NR2F1: variants seen among roughly 807,000 people sequenced by gnomAD.
NR2F1 encodes COUP transcription factor 1.
Under a neutral mutation model 37.7 loss-of-function variants are expected in NR2F1, and 1 was observed. The observed-to-expected ratio is 0.03, with a 90% CI of 0.01 to 0.13. The LOEUF (loss-of-function observed/expected upper bound fraction) is 0.13, where lower values mean the gene tolerates loss of function less well. Among genes scored for constraint, NR2F1 ranks in the 10% least tolerant of loss-of-function variants. The probability of loss-of-function intolerance (pLI) is 1.00; values close to 1 mark genes in which losing one functional copy is unlikely to be tolerated. For missense variants in NR2F1, 268 were observed against 578.4 expected, an observed-to-expected ratio of 0.46 and a Z score of 5.50; for synonymous variants, 275 against 259.6, an observed-to-expected ratio of 1.06 and a Z score of -0.57.
intron 2 of NR2F1, among the ~76,000 whole-genome samples, chr5:93,588,790 CGCGT>C (rs1459522552): frequency 6.3e-4 from 93 of 148,260 alleles, no homozygotes; most frequent in African/African-American, 1.7e-3. Context: ...CGCGCGCGCG[CGCGT>C]GTGTGTGTGT....
chr5:93,587,678 C>T (rs1753255855), intron 1 of NR2F1: 2 of 525,086 alleles, frequency 3.8e-6, no homozygotes, highest in South Asian at 3.1e-5. Context: ...GGCCTAGCTC[C>T]GGCGGGGCTG....
chr5:93,589,241 A>T (rs969284964), intron 2 of NR2F1, among the ~76,000 whole-genome samples: 1 of 152,216 alleles, frequency 6.6e-6, no homozygotes, highest in African/African-American at 2.4e-5. Flanking sequence ...AAAAATATCA[A>T]ATTATGTGTA....
In NR2F1 at chr5:93,583,404, TTC is replaced by T. The variant is rs374111788; in HGVS notation, c.-1616_-1615del. On this transcript the variant is annotated 5_prime_UTR_variant, in exon 1 of 3. Transcript: ENST00000327111. ...TCTCTTCTCTGAACCTCTCTTCTCT[TTC>T]TCTTTTCTTACATATTCTACTAGTT... The T allele has an allele frequency of 2.7e-3, 404 of 151,424 alleles. No homozygotes were observed. Among genetic ancestry groups the T allele is most frequent in the African/African-American group, 9.4e-3 (386 of 41,232 alleles). 9.4% of individuals were successfully genotyped at this position (151,424 alleles called of 1,614,324 possible). A position where few individuals can be genotyped will look rare whatever the true frequency, so the allele number is the denominator to read the frequency against.
Position 93,584,635 on chromosome 5 carries a change from G to T in NR2F1, c.-389G>T, listed in dbSNP as rs1273448386. On this transcript the variant is annotated 5_prime_UTR_variant, in exon 1 of 3. Transcript: ENST00000327111. ...TTGCTCGCCGGGGGGTGGGGAGGGG[G>T]GAAGGAGAGCGCGGCCCCCCCAGGA... The T allele has an allele frequency of 1.3e-5, 2 of 148,524 alleles. No individual in the cohort carries two copies. The highest frequency in any genetic ancestry group is 3.0e-5 in the Non-Finnish European group (2 of 66,712). 9.2% of individuals were successfully genotyped at this position (148,524 alleles called of 1,614,324 possible).
rs1260445676 is a variant in NR2F1, at chr5:93,584,918, T to TCCCCCTC, written c.-99_-93dup. The TCCCCCTC allele has an allele frequency of 5.3e-5, 1 of 18,920 alleles. No individual in the cohort carries two copies. The highest frequency in any genetic ancestry group is 2.1e-4 in the African/African-American group (1 of 4,688). The allele number at this position is 18,920 out of a possible 1,614,324, so 1.2% of individuals were successfully genotyped here. ...GGCGCCCGGCGGGCCCCCCGCCCCC[T>TCCCCCTC]CCCCCTCCCCCCTTCCCCTTCCCCT... On this transcript the variant is annotated 5_prime_UTR_variant, in exon 1 of 3. Transcript: ENST00000327111.
rs1057113509 is a variant in NR2F1 at position 93,594,114 on chromosome 5, G to A, written c.*272G>A. ...AAAAAAAGAACCTTGTGTCTGTCTGGTGAAAAAAAGAAAAACAAATTGGAA... is the reference window on the plus strand; with the variant it reads ...AAAAAAAGAACCTTGTGTCTGTCTGATGAAAAAAAGAAAAACAAATTGGAA... On this transcript the variant is annotated 3_prime_UTR_variant, in exon 3 of 3. Coordinates refer to ENST00000327111, the MANE Select transcript of NR2F1 (RefSeq NM_005654.6). The A allele has an allele frequency of 2.5e-6, 1 of 400,214 alleles. No individual in the cohort carries two copies. Among genetic ancestry groups the A allele is most frequent in the Non-Finnish European group, 4.4e-6 (1 of 225,226 alleles). The allele number at this position is 400,214 out of a possible 1,614,324, so 24.8% of individuals were successfully genotyped here.
rs748198333 is a variant in NR2F1 at position 93,588,472 on chromosome 5, G to C, written c.991+28G>C. 2.3e-5 allele frequency: 34 copies of C among 1,477,560 alleles called. No individual in the cohort carries two copies. In the South Asian group the frequency reaches 3.5e-4, roughly 15 times the overall value. The allele number at this position is 1,477,560 out of a possible 1,614,324, so 91.5% of individuals were successfully genotyped here. Reference sequence around the variant, plus strand: ...GAGGCTGCGGTCGCGGGGAGGGCAGGCCGCGCCGGCAGCGAGCGCAGGCCC... The same window carrying C: ...GAGGCTGCGGTCGCGGGGAGGGCAGCCCGCGCCGGCAGCGAGCGCAGGCCC... On this transcript the variant is annotated intron_variant, in intron 2 of 2. Transcript: ENST00000327111.
Position 93,585,431 on chromosome 5 carries a change from C to T in NR2F1, c.408C>T (p.Asn136=). The T allele has an allele frequency of 6.2e-7, 1 of 1,614,114 alleles. No individual in the cohort carries two copies. Among genetic ancestry groups the T allele is most frequent in the Non-Finnish European group, 8.5e-7 (1 of 1,179,998 alleles). Residue 136 remains asparagine (N), a synonymous_variant, in exon 1 of 3, where the codon AAC becomes AAT. Transcript: ENST00000327111. ...RNCPIDQHHR[N]QCQYCRLKKC... is the part of the protein sequence containing the mutation. ...GTCCCATCGACCAGCACCACCGCAA[C>T]CAGTGCCAATACTGCCGCCTCAAGA...
At chr5:93,589,682 C>T (rs1256200307) in intron 2 of NR2F1, among the ~76,000 whole-genome samples, 1 of 152,202 alleles carries the variant, frequency 6.6e-6, no homozygotes, top group African/African-American at 2.4e-5. Flanking sequence ...TTTCATAAGG[C>T]CTTGTTGAAC....
At chr5:93,587,870 A>G (rs774182895) in intron 1 of NR2F1, 47 bp from the exon 2 acceptor site, 12 of 1,521,550 alleles carry the variant, frequency 7.9e-6, no homozygotes, top group Middle Eastern at 1.8e-4. Context: ...AATGTTCGCA[A>G]GCTCCCTGGA....
intron 2 of NR2F1, among the ~76,000 whole-genome samples, chr5:93,591,172 A>G (rs985773710): frequency 6.6e-6 from 1 of 152,264 alleles, no homozygotes; most frequent in Non-Finnish European, 1.5e-5. Flanking sequence ...CATACACTGT[A>G]GAAGAAATAT....
Position 93,593,580 on chromosome 5 carries a change from A to G in NR2F1, c.1010A>G (p.Asp337Gly), listed in dbSNP as rs1753371414. 1 of 1,613,254 alleles carries G rather than the reference A, an allele frequency of 6.2e-7. No individual in the cohort carries two copies. The highest frequency in any genetic ancestry group is 1.3e-5 in the African/African-American group (1 of 74,758). ...TGGGCAGACGCCTGTGGCCTGTCGG[A>G]TGCGGCCCACATCGAGAGCCTGCAG... The part of the protein sequence containing the change: ...LFTSDACGLS[D>G]AAHIESLQEK... The change falls in exon 3 of 3, where the codon GAT (aspartate) becomes GGT (glycine). Residue 337 changes from aspartate to glycine, a missense_variant. Asp to Gly is a moderately conservative substitution (Grantham distance 94, BLOSUM62 -1). Transcript: ENST00000327111. This position sits in a 1 kb window ranked among gnomAD's most constrained non-coding sequence, Gnocchi z 5.6.
Position 93,593,379 on chromosome 5 carries a change from A to C in NR2F1, c.992-183A>C, listed in dbSNP as rs1753367013. ...ATTTGTATTGTATTGGGGGCGGGGG[A>C]GGAGGGAATGAAGAAGGGGATGGAG... On this transcript the variant is annotated intron_variant, in intron 2 of 2. Coordinates refer to ENST00000327111, the MANE Select transcript of NR2F1 (RefSeq NM_005654.6). The surrounding 1 kb of genome is among the most constrained non-coding windows in gnomAD (Gnocchi z 5.6). Among the ~76,000 whole-genome samples the C allele has an allele frequency of 6.6e-6, 1 of 150,806 alleles. No homozygotes were observed. The highest frequency in any genetic ancestry group is 2.4e-5 in the African/African-American group (1 of 40,930).
chr5:93,591,172 A>T (rs985773710), intron 2 of NR2F1, among the ~76,000 whole-genome samples: 4 of 152,264 alleles, frequency 2.6e-5, no homozygotes, highest in African/African-American at 4.8e-5. Context: ...CATACACTGT[A>T]GAAGAAATAT....
At position 93,585,206 on chromosome 5, in the gene NR2F1, C is replaced by A; in HGVS notation, c.183C>A (p.Pro61=). 6.5e-7 allele frequency: 1 copy of A among 1,540,422 alleles called. No homozygotes were observed. The highest frequency in any genetic ancestry group is 8.7e-7 in the Non-Finnish European group (1 of 1,143,604). ...TPQTPGQPGA[P]ATPGTAGDKG... ...AGACCCCGGGCCAGCCCGGAGCGCC[C>A]GCCACCCCCGGCACGGCGGGGGACA... is the stretch of plus-strand genomic sequence containing the variant. Residue 61 remains proline, a synonymous_variant, in exon 1 of 3, where the codon CCC becomes CCA. Coordinates refer to ENST00000327111, the MANE Select transcript of NR2F1 (RefSeq NM_005654.6).
chr5:93,586,503 G>A (rs536266190), intron 1 of NR2F1, among the ~76,000 whole-genome samples: 2 of 152,082 alleles, frequency 1.3e-5, no homozygotes, highest in African/African-American at 2.4e-5. Flanking sequence ...ATATTTAGCC[G>A]TTTACAGTTA....
At position 93,583,974 on chromosome 5, in the gene NR2F1, G is replaced by C. The variant is rs906264590; in HGVS notation, c.-1050G>C. On this transcript the variant is annotated 5_prime_UTR_variant, in exon 1 of 3. Transcript: ENST00000327111. ...GCACAACAAAAAGAGCAAAGTGTGT[G>C]ATCTTCCTCGCCGGCTGCCTCCCGC... The C allele has an allele frequency of 6.6e-6, 1 of 152,324 alleles. No homozygotes were observed. The highest frequency in any genetic ancestry group is 2.4e-5 in the African/African-American group (1 of 41,436). The allele number at this position is 152,324 out of a possible 1,614,324, so 9.4% of individuals were successfully genotyped here. A position where few individuals can be genotyped will look rare whatever the true frequency, so the allele number is the denominator to read the frequency against.
chr5:93,590,940 G>C (rs771736984), intron 2 of NR2F1, among the ~76,000 whole-genome samples: 21 of 152,308 alleles, frequency 1.4e-4, no homozygotes, highest in Admixed American at 3.3e-4. Context: ...TCAAATAAAT[G>C]AGACTTTCTC....
chr5:93,583,358 C>T lies in NR2F1; in HGVS notation c.-1666C>T, dbSNP rs1322865338. 6.8e-6 allele frequency: 1 copy of T among 147,866 alleles called. No individual in the cohort carries two copies. Among genetic ancestry groups the T allele is most frequent in the Admixed American group, 6.8e-5 (1 of 14,712 alleles). 9.2% of individuals were successfully genotyped at this position (147,866 alleles called of 1,614,324 possible). ...CTCTCCTCTTTCTCCCCCCTCTCTC[C>T]CTCCTCTCCTCTCTCTCTCCTCTCT... On this transcript the variant is annotated 5_prime_UTR_variant, in exon 1 of 3. Transcript: ENST00000327111.
Sources: allele counts gnomAD v4.1 joint callset (sites outside exome capture counted in the v4.1 genomes callset), GRCh38; gene constraint gnomAD v4.1.1; non-coding constraint Gnocchi (gnomAD v3.1); transcripts MANE v1.5; gene names NCBI Gene and HGNC (gene_info 2026-07-23, HGNC 2026-07-21).